KAZN: variants seen among roughly 807,000 people sequenced by gnomAD.
KAZN encodes kazrin, periplakin interacting protein.
A neutral mutation model predicts 87.4 loss-of-function variants in KAZN; 40 were observed. The ratio of observed to expected loss-of-function variants is 0.46; its 90% CI spans 0.36 to 0.60. The LOEUF (loss-of-function observed/expected upper bound fraction) is 0.60, where lower values mean the gene tolerates loss of function less well. Ranked by LOEUF, KAZN falls within the 20% of genes least tolerant of loss-of-function variation. The pLI, the probability that KAZN is intolerant of heterozygous loss-of-function variation, is 0.00. For synonymous variants in KAZN, 466 were observed against 458.3 expected (o/e 1.02, Z -0.22); for missense variants, 898 against 1,073.9 (o/e 0.84, Z 2.29).
At chr1:13,901,599 A>C (rs1347678130) in intron 1 of KAZN, among the ~76,000 whole-genome samples, 1 of 151,998 alleles carries the variant, frequency 6.6e-6, no homozygotes, top group Non-Finnish European at 1.5e-5. Context: ...CAGAGGCCAA[A>C]CTCTCCAGCT....
intron 1 of KAZN, among the ~76,000 whole-genome samples, chr1:14,824,145 A>G (rs960298538): frequency 9.4e-5 from 14 of 148,830 alleles, no homozygotes; most frequent in African/African-American, 3.4e-4. Flanking sequence ...TAAAAATCCC[A>G]GGGAGGAAGT....
chr1:14,605,679 G>T (rs1677302753), intron 1 of KAZN, among the ~76,000 whole-genome samples: 1 of 152,106 alleles, frequency 6.6e-6, no homozygotes, highest in Non-Finnish European at 1.5e-5. Flanking sequence ...TCTTCATGTT[G>T]AGGAGGAGGA....
intron 1 of KAZN, among the ~76,000 whole-genome samples, chr1:14,043,333 A>C (rs1641919682): frequency 6.6e-6 from 1 of 152,250 alleles, no homozygotes; most frequent in African/African-American, 2.4e-5. Flanking sequence ...CTTATCCATT[A>C]ATCTGTTGAT....
At chr1:14,230,594 C>CGG (rs1647725688) in intron 2 of KAZN, among the ~76,000 whole-genome samples, 1 of 152,274 alleles carries the variant, frequency 6.6e-6, no homozygotes, top group South Asian at 2.1e-4. Flanking sequence ...GGAATTTACA[C>CGG]TACCTTCTAA....
intron 1 of KAZN, among the ~76,000 whole-genome samples, chr1:13,983,409 C>T (rs1406951322): frequency 6.6e-6 from 1 of 152,246 alleles, no homozygotes; most frequent in Non-Finnish European, 1.5e-5. Flanking sequence ...GGCCCGGGTG[C>T]TAAGTCCCTC....
At chr1:14,521,294 A>G (rs1235571918) in intron 2 of KAZN, among the ~76,000 whole-genome samples, 1 of 152,186 alleles carries the variant, frequency 6.6e-6, no homozygotes, top group Non-Finnish European at 1.5e-5. Context: ...AGTGTGCCCA[A>G]TGTGATATTT....
intron 13 of KAZN, among the ~76,000 whole-genome samples, chr1:15,105,972 C>T (rs1174490626): frequency 6.6e-6 from 1 of 152,112 alleles, no homozygotes; most frequent in Non-Finnish European, 1.5e-5. Context: ...CTTACAGAGA[C>T]AATGTTTGAT....
chr1:14,888,438 T>C (rs1023733126), intron 1 of KAZN, among the ~76,000 whole-genome samples: 2 of 152,180 alleles, frequency 1.3e-5, no homozygotes, highest in African/African-American at 4.8e-5. Flanking sequence ...CAATCAGCCC[T>C]CTACGTGCAT....
chr1:14,586,525 GTTT>G (rs371736294), intron 2 of KAZN, among the ~76,000 whole-genome samples: 1 of 125,230 alleles, frequency 8.0e-6, no homozygotes. Context: ...TTTCTTTCTG[GTTT>G]TTTTTTTTTT....
At chr1:14,300,893 G>C (rs922323367) in intron 2 of KAZN, among the ~76,000 whole-genome samples, 1 of 152,202 alleles carries the variant, frequency 6.6e-6, no homozygotes, top group African/African-American at 2.4e-5. Flanking sequence ...GGTAGGTATA[G>C]GGTAGAGTCA....
intron 2 of KAZN, among the ~76,000 whole-genome samples, chr1:15,019,826 T>TG (rs1557722451): frequency 6.6e-6 from 1 of 152,228 alleles, no homozygotes; most frequent in African/African-American, 2.4e-5. Context: ...TGACTACGGC[T>TG]GTTACTGTGG....
rs1469692001 is a variant in KAZN, at chr1:14,585,318, A to G, written c.250-13665A>G. Among the ~76,000 whole-genome samples the G allele has an allele frequency of 2.0e-5, 3 of 152,190 alleles. No individual in the cohort carries two copies. In the East Asian group the frequency reaches 5.8e-4, roughly 29 times the overall value. On this transcript the variant is annotated intron_variant, in intron 2 of 16. Coordinates refer to the KAZN transcript ENST00000636203. ...ATGTGTTAGTCAGCTTTTGCTGTGC[A>G]ACAAACAGCCTCAGAATCTCAGTGG...
chr1:13,981,214 T>C (rs1288002670), intron 1 of KAZN, among the ~76,000 whole-genome samples: 1 of 145,110 alleles, frequency 6.9e-6, no homozygotes, highest in Non-Finnish European at 1.5e-5. Flanking sequence ...GAAGACTGTA[T>C]GGAGGTGATC....
intron 2 of KAZN, among the ~76,000 whole-genome samples, chr1:14,513,220 G>C (rs1048260823): frequency 6.6e-5 from 10 of 152,106 alleles, no homozygotes; most frequent in African/African-American, 2.4e-4. Context: ...TCTCCTTCAG[G>C]CGTGGTATAA....
At chr1:14,664,335 A>G (rs1639375965) in intron 1 of KAZN, among the ~76,000 whole-genome samples, 1 of 152,110 alleles carries the variant, frequency 6.6e-6, no homozygotes, top group Non-Finnish European at 1.5e-5. Flanking sequence ...CGGGAGGCTG[A>G]GGCATGAGAA....
At chr1:14,139,945 G>GTGGTA (rs1557507966) in intron 1 of KAZN, among the ~76,000 whole-genome samples, 1 of 55,944 alleles carries the variant, frequency 1.8e-5, no homozygotes, top group Non-Finnish European at 3.0e-5. Flanking sequence ...GTGTGTGTGT[G>GTGGTA]TGTGTGTGTG....
chr1:14,941,444 A>G (rs921514289), intron 1 of KAZN, among the ~76,000 whole-genome samples: 15 of 151,496 alleles, frequency 9.9e-5, no homozygotes, highest in Non-Finnish European at 2.9e-5. Context: ...GGAACAATAC[A>G]TTAACTGCCG....
intron 1 of KAZN, among the ~76,000 whole-genome samples, chr1:14,612,271 T>C (rs150020602): frequency 1.8e-3 from 269 of 152,274 alleles, no homozygotes; most frequent in African/African-American, 6.2e-3. Context: ...TGGAGTCACT[T>C]GTGTTCAGCC....
chr1:14,352,116 C>A (rs1382251677), intron 2 of KAZN, among the ~76,000 whole-genome samples: 1 of 152,158 alleles, frequency 6.6e-6, no homozygotes, highest in Non-Finnish European at 1.5e-5. Flanking sequence ...AGTATCAAAT[C>A]TTTGTATAAT....
Sources: allele counts gnomAD v4.1 joint callset (sites outside exome capture counted in the v4.1 genomes callset), GRCh38; gene constraint gnomAD v4.1.1; transcripts MANE v1.5; gene names NCBI Gene and HGNC (gene_info 2026-07-23, HGNC 2026-07-21).